Variants in PPP2R2C observed in about 807,000 individuals in gnomAD.
The protein encoded by PPP2R2C is protein phosphatase 2 regulatory subunit Bgamma, also known as protein phosphatase 2, regulatory subunit B, gamma.
Under a neutral mutation model 45.3 loss-of-function variants are expected in PPP2R2C, and 10 were observed. The ratio of observed to expected loss-of-function variants is 0.22; its 90% confidence interval spans 0.14 to 0.37. PPP2R2C has a LOEUF of 0.37. Ranked by LOEUF, PPP2R2C falls within the 10% of genes least tolerant of loss-of-function variation. The pLI is 1.00. For synonymous variants in PPP2R2C, 257 were observed against 245.4 expected, an observed-to-expected ratio of 1.05 and a Z score of -0.44; for missense variants, 308 against 619.7, an observed-to-expected ratio of 0.50 and a Z score of 5.34.
chr4:6,504,329 T>G (rs916709268), intron 2 of PPP2R2C, among the ~76,000 whole-genome samples: 39 of 152,148 alleles, frequency 2.6e-4, no homozygotes, highest in Non-Finnish European at 3.7e-4. Context: ...CCAACTTAAC[T>G]GCCTATAACA....
At chr4:6,383,952 T>C (rs1361437582) in intron 1 of PPP2R2C, 1 of 985,578 alleles carries the variant, frequency 1.0e-6, no homozygotes, top group African/African-American at 1.8e-5. Flanking sequence ...TGAGAGAGGG[T>C]GGTTAGAAGT....
intron 7 of PPP2R2C, among the ~76,000 whole-genome samples, chr4:6,333,327 T>C (rs1235512592): frequency 6.6e-6 from 1 of 152,192 alleles, no homozygotes; most frequent in Non-Finnish European, 1.5e-5. Flanking sequence ...CCCTGGGCCC[T>C]GGACTGCAGG....
At chr4:6,341,874 C>A (rs1733468591) in intron 6 of PPP2R2C, among the ~76,000 whole-genome samples, 1 of 152,054 alleles carries the variant, frequency 6.6e-6, no homozygotes. Context: ...CAGCTGACGC[C>A]TTCATTTTAG....
intron 1 of PPP2R2C, among the ~76,000 whole-genome samples, chr4:6,443,023 C>T (rs1394735495): frequency 2.0e-5 from 3 of 152,222 alleles, no homozygotes; most frequent in Non-Finnish European, 4.4e-5. Flanking sequence ...CCTCCCTGCT[C>T]GGTGACTACT....
Position 6,321,198 on chromosome 4 carries a change from G to A in PPP2R2C, c.*2104C>T, listed in dbSNP as rs1171612003. 6.6e-6 allele frequency: 1 copy of A among 152,242 alleles called. No individual in the cohort carries two copies. Among genetic ancestry groups the A allele is most frequent in the Non-Finnish European group, 1.5e-5 (1 of 68,044 alleles). The allele number at this position is 152,242 out of a possible 1,614,324, so 9.4% of individuals were successfully genotyped here. A position where few individuals can be genotyped will look rare whatever the true frequency, so the allele number is the denominator to read the frequency against. ...ATGGTAAATGTTAAATCTATGATGT[G>A]ACAGTAACCTCTAGCTGCAAATACA... On this transcript the variant is annotated 3_prime_UTR_variant, in exon 9 of 9. Transcript: ENST00000382599.
chr4:6,408,503 G>A (rs538527732), intron 1 of PPP2R2C, among the ~76,000 whole-genome samples: 1 of 152,116 alleles, frequency 6.6e-6, no homozygotes, highest in Non-Finnish European at 1.5e-5. Flanking sequence ...TGGGAACCTG[G>A]GCCATCGTGA....
At chr4:6,326,710 C>T (rs1042094280) in intron 8 of PPP2R2C, among the ~76,000 whole-genome samples, 4 of 152,234 alleles carry the variant, frequency 2.6e-5, no homozygotes, top group Admixed American at 6.5e-5. Flanking sequence ...CTCAAGCACA[C>T]GGTGGCGAGG....
At chr4:6,479,367 G>T (rs529546473) in intron 2 of PPP2R2C, among the ~76,000 whole-genome samples, 4 of 152,272 alleles carry the variant, frequency 2.6e-5, no homozygotes, top group African/African-American at 9.6e-5. Flanking sequence ...AAATAGTGCC[G>T]CAATGGATCT....
chr4:6,521,372 C>T (rs1262018285), intron 2 of PPP2R2C, among the ~76,000 whole-genome samples: 1 of 152,234 alleles, frequency 6.6e-6, no homozygotes, highest in African/African-American at 2.4e-5. Context: ...AGGATCTTCT[C>T]ATTCACCAGG....
intron 5 of PPP2R2C, among the ~76,000 whole-genome samples, chr4:6,363,578 CAA>C (rs796223255): frequency 1.5e-5 from 2 of 136,316 alleles, no homozygotes. Context: ...GTCTCCATCT[CAA>C]AAAAAAAAAG....
chr4:6,459,925 T>C (rs868741906), intron 1 of PPP2R2C, among the ~76,000 whole-genome samples: 14 of 152,166 alleles, frequency 9.2e-5, no homozygotes, highest in African/African-American at 3.4e-4. Flanking sequence ...TGACATTAGA[T>C]GAAGATACTT....
chr4:6,335,110 G>A (rs535754024), intron 6 of PPP2R2C, among the ~76,000 whole-genome samples: 20 of 152,298 alleles, frequency 1.3e-4, no homozygotes, highest in African/African-American at 4.8e-4. Context: ...GTCAACCAAT[G>A]CAAACAGCAC....
At chr4:6,454,085 C>T (rs1352750297) in intron 1 of PPP2R2C, among the ~76,000 whole-genome samples, 1 of 152,174 alleles carries the variant, frequency 6.6e-6, no homozygotes, top group East Asian at 1.9e-4. Flanking sequence ...GAGAGAGGGA[C>T]CCGTTCTTCC....
intron 1 of PPP2R2C, among the ~76,000 whole-genome samples, chr4:6,458,482 C>T (rs938771417): frequency 6.6e-6 from 1 of 152,172 alleles, no homozygotes; most frequent in African/African-American, 2.4e-5. Flanking sequence ...CTAATCCCAC[C>T]CATGAGGGCT....
chr4:6,405,692 C>A (rs976792987), intron 1 of PPP2R2C, among the ~76,000 whole-genome samples: 1 of 152,092 alleles, frequency 6.6e-6, no homozygotes, highest in African/African-American at 2.4e-5. Context: ...TGGGAAGCAG[C>A]CCCTCTTGAA....
At position 6,407,416 on chromosome 4, in the gene PPP2R2C, G is replaced by C. The variant is rs182537348; in HGVS notation, c.71-26322C>G. Among the ~76,000 whole-genome samples the C allele has an allele frequency of 7.9e-5, 12 of 152,286 alleles. No individual in the cohort carries two copies. In the East Asian group the frequency reaches 2.3e-3, roughly 29 times the overall value. ...GGTTTTTTTGTTTGTTTGTTTTTCA[G>C]ATGGAGTCTCACTCTGCTGCCCAGG... On this transcript the variant is annotated intron_variant, in intron 1 of 8. Transcript: ENST00000382599.
Position 6,418,376 on chromosome 4 carries a change from G to A in PPP2R2C, c.71-37282C>T, listed in dbSNP as rs529687734. Among the ~76,000 whole-genome samples the A allele has an allele frequency of 3.0e-4, 46 of 152,280 alleles. No individual in the cohort carries two copies. In the Middle Eastern group the frequency reaches 0.01, roughly 34 times the overall value. The stretch of plus-strand genomic sequence containing the variant: ...GGAAGCCAAAGCCCAGCAAGGTTAA[G>A]ACACTCATCAAGGGCCACACAGCTG... On this transcript the variant is annotated intron_variant, in intron 1 of 8. Coordinates refer to ENST00000382599, the MANE Select transcript of PPP2R2C (RefSeq NM_020416.4).
At chr4:6,354,193 G>A (rs562226532) in intron 5 of PPP2R2C, among the ~76,000 whole-genome samples, 4 of 151,516 alleles carry the variant, frequency 2.6e-5, no homozygotes, top group African/African-American at 7.3e-5. Context: ...AAACAGCTGC[G>A]GGACTCCCCA....
intron 5 of PPP2R2C, among the ~76,000 whole-genome samples, chr4:6,367,727 G>A (rs1714457979): frequency 6.6e-6 from 1 of 152,180 alleles, no homozygotes; most frequent in South Asian, 2.1e-4. Flanking sequence ...TGTGGTGTGA[G>A]CCCTGGATCT....
Sources: allele counts gnomAD v4.1 joint callset (sites outside exome capture counted in the v4.1 genomes callset), GRCh38; gene constraint gnomAD v4.1.1; transcripts MANE v1.5; gene names NCBI Gene and HGNC (gene_info 2026-07-23, HGNC 2026-07-21).